Variants in CLCNKA observed in about 807,000 individuals in gnomAD.
CLCNKA encodes the protein chloride voltage-gated channel Ka, also known as chloride channel protein ClC-Ka.
CLCNKA carries 66 observed loss-of-function variants against 83.3 expected under a neutral mutation model. The observed-to-expected ratio is 0.79, with a 90% CI of 0.65 to 0.97. The LOEUF (loss-of-function observed/expected upper bound fraction) is 0.97, where lower values mean the gene tolerates loss of function less well. CLCNKA is among the 50% of genes least tolerant of loss of function. CLCNKA has a pLI of 0.00. For missense variants in CLCNKA, 806 were observed against 888.7 expected, an observed-to-expected ratio of 0.91 and a Z score of 1.18; for synonymous variants, 357 against 370.4, an observed-to-expected ratio of 0.96 and a Z score of 0.42.
At chr1:16,027,046 C>T in intron 7 of CLCNKA, 2 of 650,574 alleles carry the variant, frequency 3.1e-6, no homozygotes, top group Non-Finnish European at 2.6e-6. Flanking sequence ...CTGAGCGCAG[C>T]TTCCTCCTCT....
At chr1:16,032,125 C>T (rs1241590649) in intron 16 of CLCNKA, 78 bp from the exon 17 acceptor site, 3 of 1,406,586 alleles carry the variant, frequency 2.1e-6, no homozygotes, top group Non-Finnish European at 3.0e-6. Flanking sequence ...GGGACACCAC[C>T]AAGGTCTTCC....
chr1:16,029,201 C>T lies in CLCNKA; in HGVS notation c.1129C>T (p.Pro377Ser). The part of the protein sequence containing the change: ...WALMTQNSSP[P>S]WPEELDPQHL... The stretch of plus-strand genomic sequence containing the variant: ...GCTGATGACCCAGAACTCCAGCCCA[C>T]CCTGGCCCGAGGAGCTCGACCCCCA... The change falls in exon 12 of 20, where the codon CCC (proline) becomes TCC (serine). Residue 377 changes from proline to serine, a missense_variant. Coordinates refer to ENST00000331433, the MANE Select transcript of CLCNKA (RefSeq NM_004070.4). 1 of 1,613,486 alleles carries T rather than the reference C, an allele frequency of 6.2e-7. No individual in the cohort carries two copies. The highest frequency in any genetic ancestry group is 8.5e-7 in the Non-Finnish European group (1 of 1,179,858).
rs902267709 is a variant in CLCNKA, at chr1:16,026,787, C to T, written c.655+12C>T. 5.4e-5 allele frequency: 86 copies of T among 1,604,478 alleles called. 1 individual carries two copies. The highest frequency in any genetic ancestry group is 5.0e-4 in the Middle Eastern group (3 of 5,994). On this transcript the variant is annotated intron_variant, in intron 7 of 19. Coordinates refer to ENST00000331433, the MANE Select transcript of CLCNKA (RefSeq NM_004070.4). ...AGCTCCCTTCAGCGGTGAGACCCCC[C>T]TCATGCCCCGCCCCCTGGGTCCCTC...
intron 15 of CLCNKA, among the ~76,000 whole-genome samples, chr1:16,031,283 T>C (rs1305951374): frequency 6.6e-6 from 1 of 152,180 alleles, no homozygotes; most frequent in East Asian, 1.9e-4. Flanking sequence ...ACCTTCCAAG[T>C]TTTTCCTTGG....
chr1:16,032,664 AG>A, intron 18 of CLCNKA, 138 bp downstream of exon 18: 1 of 719,462 alleles, frequency 1.4e-6, no homozygotes. Context: ...GGGCCTGGAC[AG>A]GGCAGCTCCT....
At position 16,032,548 on chromosome 1, in the gene CLCNKA, G is replaced by T. The variant is rs1487645242; in HGVS notation, c.1929+22G>T. 5 of 1,578,746 alleles carry T rather than the reference G, an allele frequency of 3.2e-6. No individual in the cohort carries two copies. The African/African-American group carries it at 6.7e-5, about 21-fold the overall frequency. On this transcript the variant is annotated intron_variant, in intron 18 of 19. Coordinates refer to ENST00000331433, the MANE Select transcript of CLCNKA (RefSeq NM_004070.4). ...CCAGGTAACAAGTATTGGGGAGTGT[G>T]ACACACGCAGCCCCCGGGGCAGGGC...
intron 7 of CLCNKA, 43 bp downstream of exon 7, chr1:16,026,818 C>T: frequency 6.2e-7 from 1 of 1,608,594 alleles, no homozygotes; most frequent in South Asian, 1.1e-5. Flanking sequence ...CCCTCAAGCT[C>T]CTCCCCTCAC....
chr1:16,029,461 G>T (rs552271788), intron 12 of CLCNKA, 162 bp downstream of exon 12: 2 of 1,178,116 alleles, frequency 1.7e-6, no homozygotes, highest in East Asian at 2.5e-5. Context: ...GTGGCTTCAG[G>T]TCTCTGGACC....
intron 4 of CLCNKA, 140 bp from the exon 5 acceptor site, chr1:16,025,968 C>T (rs951327377): frequency 9.3e-7 from 1 of 1,077,930 alleles, no homozygotes; most frequent in African/African-American, 1.5e-5. Flanking sequence ...GTTGGCAAGG[C>T]TGGTCTCGAA....
At chr1:16,026,643 A>G in intron 6 of CLCNKA, 30 bp downstream of exon 6, 2 of 1,613,604 alleles carry the variant, frequency 1.2e-6, no homozygotes, top group East Asian at 2.2e-5. Flanking sequence ...CCTTGGAGAA[A>G]TGGGAGTGGG....
chr1:16,022,748 C>A, intron 2 of CLCNKA, 29 bp downstream of exon 2: 2 of 1,440,394 alleles, frequency 1.4e-6, no homozygotes, highest in Non-Finnish European at 1.9e-6. Flanking sequence ...TCCCTACCCG[C>A]GGGGGACCAC....
chr1:16,022,904 T>A (rs549607119), intron 2 of CLCNKA, among the ~76,000 whole-genome samples, 185 bp downstream of exon 2: 2 of 152,322 alleles, frequency 1.3e-5, no homozygotes, highest in East Asian at 3.9e-4. Context: ...GTGGGTCAGA[T>A]GGGCCAGGCA....
intron 3 of CLCNKA, among the ~76,000 whole-genome samples, chr1:16,024,183 C>T (rs934179985): frequency 6.6e-6 from 1 of 152,244 alleles, no homozygotes; most frequent in Non-Finnish European, 1.5e-5. Context: ...TCTGGCTCCT[C>T]TTCCAGCCAC....
rs1465940210 is a variant in CLCNKA at position 16,032,500 on chromosome 1, C to G, written c.1903C>G (p.Leu635Val). The G allele has an allele frequency of 2.5e-6, 4 of 1,613,104 alleles. No individual in the cohort carries two copies. Among genetic ancestry groups the G allele is most frequent in the Non-Finnish European group, 3.4e-6 (4 of 1,179,846 alleles). Residue 635 changes from leucine to valine, a missense_variant, in exon 18 of 20, where the codon CTA (leucine) becomes GTA (valine). By Grantham distance (32) the Leu-to-Val change is conservative (BLOSUM62 1). Transcript: ENST00000331433. ...GCPTEPVTLT[L>V]FSETTLHQAQ... ...CCCCACGGAACCAGTGACCCTGACG[C>G]TATTCTCAGAGACCACCTTGCACCA...
chr1:16,032,356 A>C (rs1291811186), intron 17 of CLCNKA, 65 bp downstream of exon 17: 1 of 1,538,406 alleles, frequency 6.5e-7, no homozygotes, highest in African/African-American at 1.4e-5. Context: ...GAGGGGAGGG[A>C]CCCGCTGATC....
intron 9 of CLCNKA, 50 bp from the exon 10 acceptor site, chr1:16,027,968 G>A (rs760519796): frequency 3.1e-6 from 5 of 1,613,924 alleles, no homozygotes; most frequent in African/African-American, 2.7e-5. Context: ...CTGGACTGCG[G>A]CCCCTGGTAC....
intron 10 of CLCNKA, 94 bp from the exon 11 acceptor site, chr1:16,028,667 G>C: frequency 1.4e-6 from 2 of 1,474,706 alleles, no homozygotes; most frequent in Non-Finnish European, 9.5e-7. Context: ...CCCCAGGTGG[G>C]GAGCTCTGCT....
chr1:16,030,700 C>T (rs752560703), intron 15 of CLCNKA, 26 bp downstream of exon 15: 16 of 1,612,976 alleles, frequency 9.9e-6, no homozygotes, highest in Non-Finnish European at 1.4e-5. Flanking sequence ...CTCAGGCTGA[C>T]TGAAGGGGGT....
At chr1:16,029,492 A>G (rs2022523439) in intron 12 of CLCNKA, among the ~76,000 whole-genome samples, 193 bp downstream of exon 12, 1 of 152,172 alleles carries the variant, frequency 6.6e-6, no homozygotes, top group Non-Finnish European at 1.5e-5. Flanking sequence ...CATCTTTAAA[A>G]TGGGGTGGTT....
Sources: allele counts gnomAD v4.1 joint callset (sites outside exome capture counted in the v4.1 genomes callset), GRCh38; gene constraint gnomAD v4.1.1; transcripts MANE v1.5; gene names NCBI Gene and HGNC (gene_info 2026-07-23, HGNC 2026-07-21).